TUSC3: variants seen among roughly 807,000 people sequenced by gnomAD.
TUSC3 encodes the protein tumor suppressor candidate 3, also known as dolichyl-diphosphooligosaccharide--protein glycosyltransferase subunit TUSC3.
In TUSC3, 45 loss-of-function variants were observed where a neutral mutation model predicts 44.8. The observed-to-expected ratio is 1.00, with a 90% CI of 0.79 to 1.29. TUSC3 has a LOEUF of 1.29. Ranked by LOEUF, TUSC3 falls within the 50% of genes most tolerant of loss-of-function variation. The probability of loss-of-function intolerance (pLI) is 0.00; values close to 1 mark genes in which losing one functional copy is unlikely to be tolerated. For synonymous variants in TUSC3, 212 were observed against 152.9 expected, an observed-to-expected ratio of 1.39 and a Z score of -2.85; for missense variants, 519 against 437.9, an observed-to-expected ratio of 1.19 and a Z score of -1.65.
chr8:15,578,625 T>C (rs1803204204), intron 1 of TUSC3, among the ~76,000 whole-genome samples: 5 of 150,506 alleles, frequency 3.3e-5, no homozygotes, highest in Admixed American at 3.3e-4. Flanking sequence ...ATTTATTGAT[T>C]TGCGTATATT....
At chr8:15,426,989 T>C (rs1372429505) in intron 1 of TUSC3, among the ~76,000 whole-genome samples, 1 of 152,150 alleles carries the variant, frequency 6.6e-6, no homozygotes, top group Non-Finnish European at 1.5e-5. Flanking sequence ...TATTTTCATA[T>C]ACCTGGTTGG....
chr8:15,645,562 T>A (rs1196883456), intron 2 of TUSC3, among the ~76,000 whole-genome samples: 1 of 152,146 alleles, frequency 6.6e-6, no homozygotes, highest in Non-Finnish European at 1.5e-5. Flanking sequence ...AGTGCTTATC[T>A]ATTCTTTAAC....
chr8:15,738,141 T>C (rs1288675625), intron 7 of TUSC3, among the ~76,000 whole-genome samples: 2 of 152,184 alleles, frequency 1.3e-5, no homozygotes, highest in African/African-American at 4.8e-5. Flanking sequence ...AAACTCACTT[T>C]TGCAAGAAAC....
At chr8:15,526,158 G>A (rs1013346174) in intron 2 of TUSC3, among the ~76,000 whole-genome samples, 1 of 151,718 alleles carries the variant, frequency 6.6e-6, no homozygotes, top group African/African-American at 2.4e-5. Flanking sequence ...TCAGCCTCCC[G>A]AGTAGCTGTG....
intron 2 of TUSC3, among the ~76,000 whole-genome samples, chr8:15,521,885 A>G (rs907229841): frequency 1.3e-5 from 2 of 152,206 alleles, no homozygotes; most frequent in African/African-American, 4.8e-5. Context: ...GTGACTAGCT[A>G]TTAGGTTGGT....
the TUSC3 span, among the ~76,000 whole-genome samples, chr8:15,828,058 G>A: frequency 1.4e-5 from 2 of 146,620 alleles, no homozygotes; most frequent in Admixed American, 6.9e-5. Context: ...GCAGTGGCAC[G>A]ATCTTGGCTC....
the TUSC3 span, among the ~76,000 whole-genome samples, chr8:15,774,108 T>C: frequency 6.6e-6 from 1 of 152,064 alleles, no homozygotes; most frequent in South Asian, 2.1e-4. Context: ...CCCATGGTAA[T>C]AGAGAGAATA....
At chr8:15,571,902 C>A (rs1585113359) in intron 1 of TUSC3, among the ~76,000 whole-genome samples, 1 of 152,194 alleles carries the variant, frequency 6.6e-6, no homozygotes, top group African/African-American at 2.4e-5. Context: ...TACTGGGCTT[C>A]AAATATTCAG....
At chr8:15,479,032 G>C (rs1451311299) in intron 1 of TUSC3, among the ~76,000 whole-genome samples, 1 of 152,140 alleles carries the variant, frequency 6.6e-6, no homozygotes, top group Non-Finnish European at 1.5e-5. Context: ...CTAATAATTA[G>C]TGATGTTGAA....
rs1289895915 is a variant in TUSC3, at chr8:15,645,568, T to C, written c.309-5129T>C. Among the ~76,000 whole-genome samples, 4 of 152,110 alleles carry C rather than the reference T, an allele frequency of 2.6e-5. No homozygotes were observed. In the East Asian group the frequency reaches 7.7e-4, roughly 29 times the overall value. On this transcript the variant is annotated intron_variant, in intron 2 of 10. Transcript: ENST00000503731. ...ATGTACTAGAGTGCTTATCTATTCT[T>C]TAACCTCTTAAAAGTGGAGACTGTG...
At chr8:15,814,357 T>C in the TUSC3 span, among the ~76,000 whole-genome samples, 1 of 152,280 alleles carries the variant, frequency 6.6e-6, no homozygotes, top group South Asian at 2.1e-4. Flanking sequence ...ACCTGACTTC[T>C]TGCAGGAAAA....
At chr8:15,676,837 A>T (rs1225849291) in intron 6 of TUSC3, among the ~76,000 whole-genome samples, 2 of 152,164 alleles carry the variant, frequency 1.3e-5, no homozygotes, top group African/African-American at 2.4e-5. Flanking sequence ...CAGCTAAGAA[A>T]ACTAATCCAT....
chr8:15,620,083 A>G (rs1461114718), intron 1 of TUSC3, among the ~76,000 whole-genome samples: 1 of 152,194 alleles, frequency 6.6e-6, no homozygotes, highest in African/African-American at 2.4e-5. Context: ...CAAACTGCAA[A>G]TTAAAATAAG....
chr8:15,426,465 T>C (rs28467784), intron 1 of TUSC3, among the ~76,000 whole-genome samples: 21,084 of 152,248 alleles, frequency 0.14, 1,561 homozygotes, highest in Middle Eastern at 0.22. Flanking sequence ...TTGACTGTTA[T>C]AGATACCTCA....
the TUSC3 span, among the ~76,000 whole-genome samples, chr8:15,839,135 T>C: frequency 6.6e-6 from 1 of 152,128 alleles, no homozygotes; most frequent in Non-Finnish European, 1.5e-5. Context: ...GAATGGGAGT[T>C]CACTCATGAT....
the TUSC3 span, among the ~76,000 whole-genome samples, chr8:15,822,209 C>T: frequency 2.0e-5 from 3 of 152,114 alleles, no homozygotes; most frequent in East Asian, 5.8e-4. Context: ...ACTGTCAAAA[C>T]TTTAGCTTTG....
intron 1 of TUSC3, among the ~76,000 whole-genome samples, chr8:15,475,429 A>G (rs1800561803): frequency 1.3e-5 from 2 of 152,154 alleles, no homozygotes; most frequent in African/African-American, 4.8e-5. Flanking sequence ...GATCCAGCTA[A>G]TTATTACCAG....
At chr8:15,596,914 G>A (rs1804095115) in intron 1 of TUSC3, among the ~76,000 whole-genome samples, 1 of 152,082 alleles carries the variant, frequency 6.6e-6, no homozygotes, top group Non-Finnish European at 1.5e-5. Flanking sequence ...TTGACTGCAG[G>A]CTGTGATAGA....
chr8:15,643,472 G>A (rs944604792), intron 2 of TUSC3, among the ~76,000 whole-genome samples: 19 of 150,960 alleles, frequency 1.3e-4, no homozygotes, highest in African/African-American at 4.6e-4. Context: ...TGCTAACTCT[G>A]CGTATTGTAT....
Sources: allele counts gnomAD v4.1 joint callset (sites outside exome capture counted in the v4.1 genomes callset), GRCh38; gene constraint gnomAD v4.1.1; transcripts MANE v1.5; gene names NCBI Gene and HGNC (gene_info 2026-07-23, HGNC 2026-07-21).